The following AP3B1 variants were observed in gnomAD, a reference collection of about 807,000 sequenced individuals.
AP3B1 encodes AP-3 complex subunit beta-1.
In AP3B1, 61 loss-of-function variants were observed where a neutral mutation model predicts 132.5. The ratio of observed to expected loss-of-function variants is 0.46; its 90% CI spans 0.37 to 0.57. The LOEUF (loss-of-function observed/expected upper bound fraction) is 0.57. Among genes scored for constraint, AP3B1 ranks in the 20% least tolerant of loss-of-function variants. The probability of loss-of-function intolerance (pLI) is 0.00; values close to 1 mark genes in which losing one functional copy is unlikely to be tolerated. For missense variants in AP3B1, 1,120 were observed against 1,289.4 expected (o/e 0.87, Z 2.01); for synonymous variants, 388 against 438.3 (o/e 0.89, Z 1.43).
chr5:78,051,527 T>C (rs924808628), intron 22 of AP3B1, among the ~76,000 whole-genome samples: 2 of 152,166 alleles, frequency 1.3e-5, no homozygotes, highest in African/African-American at 2.4e-5. Context: ...AAATAAAACA[T>C]GGAATAGCAA....
At chr5:78,127,584 G>T (rs949578421) in intron 17 of AP3B1, among the ~76,000 whole-genome samples, 38 of 151,988 alleles carry the variant, frequency 2.5e-4, no homozygotes, top group Admixed American at 2.2e-3. Flanking sequence ...TTATGTTCAG[G>T]CTTCACTTAA....
intron 18 of AP3B1, among the ~76,000 whole-genome samples, chr5:78,114,327 T>A (rs1227599276): frequency 6.6e-6 from 1 of 151,916 alleles, no homozygotes; most frequent in African/African-American, 2.4e-5. Context: ...CTATTTAGAG[T>A]AAAAGAAGGC....
intron 14 of AP3B1, among the ~76,000 whole-genome samples, chr5:78,150,409 T>C (rs745310018): frequency 6.6e-6 from 1 of 152,240 alleles, no homozygotes; most frequent in Non-Finnish European, 1.5e-5. Context: ...AGAAAGGAGA[T>C]AGTAACCTTG....
At chr5:78,280,755 C>G (rs991053947) in intron 1 of AP3B1, among the ~76,000 whole-genome samples, 3 of 152,134 alleles carry the variant, frequency 2.0e-5, no homozygotes, top group Admixed American at 6.5e-5. Flanking sequence ...GATCAGCATT[C>G]TGTAAAGGGA....
intron 24 of AP3B1, among the ~76,000 whole-genome samples, chr5:78,031,427 T>C (rs1747571059): frequency 6.6e-6 from 1 of 152,196 alleles, no homozygotes; most frequent in Non-Finnish European, 1.5e-5. Flanking sequence ...TTTCATCTCA[T>C]CTCTGACCAT....
At position 78,265,905 on chromosome 5, in the gene AP3B1, T is replaced by C. The variant is rs75680662; in HGVS notation, c.204+1615A>G. ...TCATTTCTTTGCTGTATTTTCACTT[T>C]GTTGGGCAAATGCCTCTTTCAATTA... On this transcript the variant is annotated intron_variant, in intron 2 of 26. Coordinates refer to ENST00000255194, the MANE Select transcript of AP3B1 (RefSeq NM_003664.5). Among the ~76,000 whole-genome samples the C allele has an allele frequency of 1.8e-4, 28 of 152,366 alleles. No individual in the cohort carries two copies. In the East Asian group the frequency reaches 5.4e-3, roughly 29 times the overall value.
At chr5:78,213,993 T>G (rs1194629611) in intron 7 of AP3B1, among the ~76,000 whole-genome samples, 1 of 152,226 alleles carries the variant, frequency 6.6e-6, no homozygotes, top group Non-Finnish European at 1.5e-5. Context: ...CTGCACAGTC[T>G]AGAGCACCCC....
chr5:78,035,166 T>C (rs896749908), intron 23 of AP3B1, among the ~76,000 whole-genome samples: 2 of 151,910 alleles, frequency 1.3e-5, no homozygotes, highest in Admixed American at 6.6e-5. Flanking sequence ...TTTTTTCAGT[T>C]AACAATGACA....
chr5:78,083,848 A>G, intron 22 of AP3B1, among the ~76,000 whole-genome samples: 1 of 152,174 alleles, frequency 6.6e-6, no homozygotes, highest in Non-Finnish European at 1.5e-5. Flanking sequence ...TTAGAAAAAT[A>G]TTTGCTGTGA....
At chr5:78,157,860 C>T (rs1171750873) in intron 13 of AP3B1, among the ~76,000 whole-genome samples, 1 of 152,072 alleles carries the variant, frequency 6.6e-6, no homozygotes, top group Non-Finnish European at 1.5e-5. Context: ...AGCAGTTCTC[C>T]TGCCACAGCC....
chr5:78,184,517 T>C (rs1744515974), intron 7 of AP3B1, among the ~76,000 whole-genome samples: 1 of 151,642 alleles, frequency 6.6e-6, no homozygotes, highest in Non-Finnish European at 1.5e-5. Flanking sequence ...AAACCCCGCC[T>C]CTACTAAAAA....
intron 17 of AP3B1, among the ~76,000 whole-genome samples, chr5:78,124,720 T>C (rs1752387694): frequency 6.6e-6 from 1 of 152,218 alleles, no homozygotes; most frequent in Non-Finnish European, 1.5e-5. Flanking sequence ...TTATTTAAAA[T>C]GCTTCTGTCT....
At chr5:78,247,890 T>A (rs1282872507) in intron 2 of AP3B1, among the ~76,000 whole-genome samples, 1 of 152,192 alleles carries the variant, frequency 6.6e-6, no homozygotes, top group Non-Finnish European at 1.5e-5. Flanking sequence ...GTTTATTCCC[T>A]GTATTTTCTG....
intron 22 of AP3B1, among the ~76,000 whole-genome samples, chr5:78,084,701 A>T (rs964666328): frequency 3.9e-5 from 6 of 151,956 alleles, no homozygotes; most frequent in Non-Finnish European, 7.4e-5. Flanking sequence ...GATTAGAGAA[A>T]ATCTGGAAAA....
chr5:78,013,025 T>C (rs943554748), intron 26 of AP3B1, among the ~76,000 whole-genome samples: 2 of 152,104 alleles, frequency 1.3e-5, no homozygotes, highest in Admixed American at 6.6e-5. Flanking sequence ...TATGTGGCTT[T>C]GTAACTTCAC....
At chr5:78,193,770 A>ATATAGATATATATATATATTTTTTTTTTT in intron 7 of AP3B1, among the ~76,000 whole-genome samples, 1 of 67,216 alleles carries the variant, frequency 1.5e-5, no homozygotes, top group South Asian at 4.1e-4. Flanking sequence ...ATATATATAT[A>ATATAGATATATATATATATTTTTTTTTTT]TTTTTTTTTT....
At chr5:78,136,487 A>G (rs1241831412) in intron 15 of AP3B1, among the ~76,000 whole-genome samples, 2 of 152,208 alleles carry the variant, frequency 1.3e-5, no homozygotes, top group African/African-American at 4.8e-5. Context: ...CACAAAACAT[A>G]CATACCTCAA....
intron 11 of AP3B1, among the ~76,000 whole-genome samples, chr5:78,172,013 T>C (rs188969662): frequency 6.6e-6 from 1 of 152,356 alleles, no homozygotes; most frequent in East Asian, 1.9e-4. Flanking sequence ...GTTTTTGTCG[T>C]TGGTTCTGTT....
At chr5:78,087,484 T>C in intron 22 of AP3B1, 1 of 958,598 alleles carries the variant, frequency 1.0e-6, no homozygotes, top group Non-Finnish European at 1.2e-6. Flanking sequence ...TTTTCTTTGT[T>C]TAAAGTTCTA....
Sources: gnomAD v4.1 joint callset for allele counts (sites outside exome capture counted in the v4.1 genomes callset) on GRCh38, gnomAD v4.1.1 for gene constraint, MANE v1.5 for transcripts, NCBI Gene and HGNC (gene_info 2026-07-23, HGNC 2026-07-21) for gene names.